Variants in HAUS8 observed in about 807,000 individuals in gnomAD.
HAUS8 encodes the protein HAUS augmin like complex subunit 8.
In HAUS8, 38 loss-of-function variants were observed where a neutral mutation model predicts 42.9. That is an observed-to-expected ratio of 0.89 (90% CI 0.68 to 1.16). The LOEUF (loss-of-function observed/expected upper bound fraction) is 1.16. Among genes scored for constraint, HAUS8 ranks in the 50% most tolerant of loss-of-function variants. HAUS8 has a pLI of 0.00. For synonymous variants in HAUS8, 199 were observed against 205.8 expected, an observed-to-expected ratio of 0.97 and a Z score of 0.28; for missense variants, 494 against 511.6, an observed-to-expected ratio of 0.97 and a Z score of 0.33.
chr19:17,055,142 AAATATATATATATATATATATATATATAT>A (rs2057315331), intron 9 of HAUS8: 1 of 13,298 alleles, frequency 7.5e-5, no homozygotes, highest in East Asian at 1.8e-3. Context: ...AAAAAAAAAA[AAATATATATATATATATATATATATATAT>A]ATATATATAT....
At chr19:17,056,702 C>T (rs564108093) in intron 8 of HAUS8, among the ~76,000 whole-genome samples, 67 of 152,174 alleles carry the variant, frequency 4.4e-4, no homozygotes, top group African/African-American at 1.4e-3. Context: ...GCAATTCTTG[C>T]GCCTCAGTCT....
At chr19:17,072,619 C>T (rs568028851) in intron 2 of HAUS8, among the ~76,000 whole-genome samples, 2 of 151,998 alleles carry the variant, frequency 1.3e-5, no homozygotes, top group East Asian at 1.9e-4. Context: ...GGATTACAGG[C>T]GTGAGCCACC....
At chr19:17,068,132 G>A (rs559271028) in intron 3 of HAUS8, among the ~76,000 whole-genome samples, 4 of 127,022 alleles carry the variant, frequency 3.1e-5, no homozygotes, top group South Asian at 4.8e-4. Context: ...TTGAAGACAC[G>A]GGTCAGGGTC....
intron 4 of HAUS8, among the ~76,000 whole-genome samples, chr19:17,061,288 G>A (rs2057359334): frequency 6.6e-6 from 1 of 152,002 alleles, no homozygotes; most frequent in African/African-American, 2.4e-5. Flanking sequence ...GTGTCACCAT[G>A]CCCAGATAAT....
chr19:17,059,486 TG>T, intron 6 of HAUS8, 70 bp downstream of exon 6: 1 of 1,061,132 alleles, frequency 9.4e-7, no homozygotes, highest in Non-Finnish European at 1.4e-6. Context: ...ACTCAGCATC[TG>T]GTTCAGAGTG....
At chr19:17,075,141 C>T in intron 1 of HAUS8, 1 of 552,618 alleles carries the variant, frequency 1.8e-6, no homozygotes, top group Non-Finnish European at 3.3e-6. Context: ...AAGCGAGGCA[C>T]TGGGCGGTCA....
At chr19:17,054,499 A>T (rs997642981) in intron 9 of HAUS8, among the ~76,000 whole-genome samples, 3 of 151,802 alleles carry the variant, frequency 2.0e-5, no homozygotes, top group South Asian at 4.1e-4. Flanking sequence ...TACAAAAAAA[A>T]ATATAATAAT....
intron 1 of HAUS8, 168 bp downstream of exon 1, chr19:17,075,226 G>C: frequency 1.4e-6 from 1 of 725,792 alleles, no homozygotes; most frequent in Non-Finnish European, 2.3e-6. Flanking sequence ...TCAGCGCTCC[G>C]GAGCATGCGC....
rs765560591 is a variant in HAUS8, at chr19:17,055,947, C to G, written c.701G>C (p.Arg234Thr). The change falls in exon 9 of 11, where the codon AGG becomes ACG. Residue 234 changes from arginine to threonine, a missense_variant. Physicochemically the swap from Arg to Thr is moderately conservative, Grantham distance 71 (BLOSUM62 -1). Transcript: ENST00000253669. ...AVATRFKEQY[R>T]TFATALDTTR... ...AGTGTCCAGGGCCGTGGCGAATGTC[C>G]TGTATTGCTCCTTGAAGCGTGTGGC... 7 of 1,614,190 alleles carry G rather than the reference C, an allele frequency of 4.3e-6. No homozygotes were observed. The South Asian group carries it at 6.6e-5, about 15-fold the overall frequency.
chr19:17,060,414 C>A (rs2123370132), intron 4 of HAUS8, among the ~76,000 whole-genome samples: 2 of 152,250 alleles, frequency 1.3e-5, no homozygotes, highest in Middle Eastern at 3.4e-3. Context: ...TACTCTCTTT[C>A]CACCTTTTTT....
At position 17,055,175 on chromosome 19, in the gene HAUS8, TATATATATATATATATAA is replaced by T. The variant is rs1387413459; in HGVS notation, c.787+668_787+685del. 90 of 49,310 alleles carry T rather than the reference TATATATATATATATATAA, an allele frequency of 1.8e-3. 1 individual carries two copies. Among genetic ancestry groups the T allele is most frequent in the African/African-American group, 8.9e-3 (88 of 9,868 alleles). 3.1% of individuals were successfully genotyped at this position (49,310 alleles called of 1,614,324 possible). On this transcript the variant is annotated intron_variant, in intron 9 of 10. Coordinates refer to ENST00000253669, the MANE Select transcript of HAUS8 (RefSeq NM_033417.2). ...ATATATATATATATATATATATATA[TATATATATATATATATAA>T]GCCAGGTGTGGTGGTGCCCACGTGT...
At chr19:17,072,934 A>C (rs887912070) in intron 2 of HAUS8, among the ~76,000 whole-genome samples, 2 of 135,604 alleles carry the variant, frequency 1.5e-5, no homozygotes, top group African/African-American at 5.5e-5. Flanking sequence ...TGGGTAACAT[A>C]GTGAGACCCC....
At chr19:17,070,327 C>T (rs1039723150) in intron 2 of HAUS8, among the ~76,000 whole-genome samples, 23 of 152,130 alleles carry the variant, frequency 1.5e-4, no homozygotes, top group Admixed American at 7.9e-4. Flanking sequence ...CTGCTCGTTC[C>T]CTGCTTCCTG....
At chr19:17,065,037 T>A (rs2057379699) in intron 3 of HAUS8, among the ~76,000 whole-genome samples, 2 of 152,072 alleles carry the variant, frequency 1.3e-5, no homozygotes, top group Admixed American at 6.5e-5. Flanking sequence ...GGACAAAAGA[T>A]CTCAACAGAC....
chr19:17,069,445 C>T (rs2057408107), intron 2 of HAUS8, among the ~76,000 whole-genome samples: 1 of 151,064 alleles, frequency 6.6e-6, no homozygotes. Flanking sequence ...TTCCTCCCAT[C>T]TCGTGTGACC....
chr19:17,053,087 A>G, intron 9 of HAUS8, 121 bp from the exon 10 acceptor site: 6 of 1,169,574 alleles, frequency 5.1e-6, no homozygotes, highest in Non-Finnish European at 7.4e-6. Flanking sequence ...AACCGTGGAG[A>G]GCGCACAGGG....
chr19:17,065,513 G>A (rs902465294), intron 3 of HAUS8, among the ~76,000 whole-genome samples: 1 of 152,086 alleles, frequency 6.6e-6, no homozygotes, highest in African/African-American at 2.4e-5. Context: ...CTTCAATCGT[G>A]CCTAAGTCAT....
At chr19:17,069,783 C>T (rs909046314) in intron 2 of HAUS8, among the ~76,000 whole-genome samples, 4 of 152,034 alleles carry the variant, frequency 2.6e-5, no homozygotes, top group East Asian at 1.9e-4. Flanking sequence ...CCACCTCCTA[C>T]GCCAGGCCCA....
At chr19:17,074,958 G>A (rs1047824344) in intron 1 of HAUS8, 2 of 181,798 alleles carry the variant, frequency 1.1e-5, no homozygotes, top group Admixed American at 5.6e-5. Flanking sequence ...AGAATAAAGC[G>A]CGTGGGAGGA....
Sources: gnomAD v4.1 joint callset for allele counts (sites outside exome capture counted in the v4.1 genomes callset) on GRCh38, gnomAD v4.1.1 for gene constraint, MANE v1.5 for transcripts, NCBI Gene and HGNC (gene_info 2026-07-23, HGNC 2026-07-21) for gene names.